The following CHDH variants were observed in gnomAD, a reference collection of about 807,000 sequenced individuals.
CHDH encodes choline dehydrogenase, mitochondrial.
CHDH carries 43 observed loss-of-function variants against 56.9 expected under a neutral mutation model. The observed-to-expected ratio is 0.76, with a 90% CI of 0.59 to 0.97. The LOEUF is 0.97. Among genes scored for constraint, CHDH ranks in the 50% least tolerant of loss-of-function variants. CHDH has a pLI of 0.00. For synonymous variants in CHDH, 364 were observed against 348.5 expected, an observed-to-expected ratio of 1.04 and a Z score of -0.50; for missense variants, 816 against 821.1, an observed-to-expected ratio of 0.99 and a Z score of 0.08.
chr3:53,830,674 T>C (rs1698305132), intron 2 of CHDH, among the ~76,000 whole-genome samples: 1 of 152,116 alleles, frequency 6.6e-6, no homozygotes, highest in Non-Finnish European at 1.5e-5. Flanking sequence ...ATACAAAACA[T>C]TCACTACAAC....
intron 2 of CHDH, among the ~76,000 whole-genome samples, chr3:53,838,007 AGAT>A: frequency 6.7e-6 from 1 of 148,398 alleles, no homozygotes; most frequent in Non-Finnish European, 1.5e-5. Context: ...CCATGAGCCA[AGAT>A]CGTATCACTG....
intron 2 of CHDH, among the ~76,000 whole-genome samples, chr3:53,831,337 C>T (rs572000527): frequency 9.2e-5 from 14 of 152,238 alleles, no homozygotes; most frequent in Non-Finnish European, 1.8e-4. Context: ...GGGAAACTTG[C>T]CGCCCCAAAG....
Position 53,823,333 on chromosome 3 carries a change from C to T in CHDH, c.676G>A (p.Gly226Ser), listed in dbSNP as rs756969396. Residue 226 changes from glycine to serine, a missense_variant, in exon 3 of 9, where the codon GGC (glycine) becomes AGC (serine). Physicochemically the swap from Gly to Ser is moderately conservative, Grantham distance 56. Transcript: ENST00000315251. ...TCATGGATGGTCATGTCCATCCAGC[C>T]GAAGCCCTCCTGCTGGAAGCCATTC... ...DMNGFQQEGF[G>S]WMDMTIHEGK... is the part of the protein sequence containing the mutation. 2.5e-6 allele frequency: 4 copies of T among 1,586,888 alleles called. No individual in the cohort carries two copies. Among genetic ancestry groups the T allele is most frequent in the East Asian group, 2.3e-5 (1 of 44,044 alleles).
rs1458760899 is a variant in CHDH at position 53,816,143 on chromosome 3, C to G, written c.*1634G>C. 2.8e-4 allele frequency: 31 copies of G among 110,922 alleles called. 4 individuals are homozygous for G. The highest frequency in any genetic ancestry group is 1.0e-3 in the Admixed American group (12 of 11,578). The allele number at this position is 110,922 out of a possible 1,614,324, so 6.9% of individuals were successfully genotyped here. On this transcript the variant is annotated 3_prime_UTR_variant, in exon 9 of 9. Transcript: ENST00000315251. ...TTGTGGCTGTCGGACGCCCCCCCCC[C>G]CCGCCCCAGTCTGTAAGCCGCCCCA... is the stretch of plus-strand genomic sequence containing the variant.
rs138026393 is a variant in CHDH at position 53,826,576 on chromosome 3, C to T, written c.-59-2509G>A. ...ACATCCATTAAATGATAGAAACTCT[C>T]AGTAAACCAAGAGTAGAAGGAAACT... On this transcript the variant is annotated intron_variant, in intron 2 of 8. Coordinates refer to ENST00000315251, the MANE Select transcript of CHDH (RefSeq NM_018397.5). Among the ~76,000 whole-genome samples, 8 of 152,302 alleles carry T rather than the reference C, an allele frequency of 5.3e-5. No individual in the cohort carries two copies. In the East Asian group the frequency reaches 1.5e-3, roughly 29 times the overall value.
chr3:53,817,499 C>T lies in CHDH; in HGVS notation c.*278G>A. Reference sequence around the variant, plus strand: ...GATGCGGCAGGAGTTAACCATCCTCCCCTTCTGTCCCTCCAGGAGGCAGGG... The same window carrying T: ...GATGCGGCAGGAGTTAACCATCCTCTCCTTCTGTCCCTCCAGGAGGCAGGG... On this transcript the variant is annotated 3_prime_UTR_variant, in exon 9 of 9. Coordinates refer to ENST00000315251, the MANE Select transcript of CHDH (RefSeq NM_018397.5). 2.2e-6 allele frequency: 1 copy of T among 452,526 alleles called. No homozygotes were observed. The allele number at this position is 452,526 out of a possible 1,614,324, so 28.0% of individuals were successfully genotyped here. A position where few individuals can be genotyped will look rare whatever the true frequency, so the allele number is the denominator to read the frequency against.
rs895013629 is a variant in CHDH at position 53,823,642 on chromosome 3, G to A, written c.367C>T (p.Pro123Ser). Reference protein sequence around the residue: ...RGLDGRVLYWPRGRVWGGSSS... With the variant: ...RGLDGRVLYWSRGRVWGGSSS... Reference sequence around the variant, plus strand: ...GAGCCACCCCAGACGCGGCCGCGTGGCCAGTACAGCACGCGGCCGTCCAGG... The same window carrying A: ...GAGCCACCCCAGACGCGGCCGCGTGACCAGTACAGCACGCGGCCGTCCAGG... The change falls in exon 3 of 9, where the codon CCA becomes TCA. Residue 123 changes from proline to serine, a missense_variant. Physicochemically the swap from Pro to Ser is moderately conservative, Grantham distance 74. Transcript: ENST00000315251. The A allele has an allele frequency of 6.5e-7, 1 of 1,544,702 alleles. No homozygotes were observed. Among genetic ancestry groups the A allele is most frequent in the Non-Finnish European group, 8.7e-7 (1 of 1,146,302 alleles).
intron 2 of CHDH, among the ~76,000 whole-genome samples, chr3:53,834,474 G>A (rs2106977411): frequency 6.6e-6 from 1 of 152,276 alleles, no homozygotes; most frequent in East Asian, 1.9e-4. Flanking sequence ...GCCAAAGACT[G>A]CTATTGACAA....
chr3:53,835,546 T>C (rs1409846336), intron 2 of CHDH, among the ~76,000 whole-genome samples: 2 of 152,232 alleles, frequency 1.3e-5, no homozygotes, highest in Non-Finnish European at 2.9e-5. Flanking sequence ...AAAGGAGGAT[T>C]CAGGGCAGGT....
rs966237981 is a variant in CHDH, at chr3:53,814,210, A to G, written c.*3567T>C. 1 of 152,212 alleles carries G rather than the reference A, an allele frequency of 6.6e-6. No individual in the cohort carries two copies. The highest frequency in any genetic ancestry group is 2.4e-5 in the African/African-American group (1 of 41,452). 9.4% of individuals were successfully genotyped at this position (152,212 alleles called of 1,614,324 possible). A position where few individuals can be genotyped will look rare whatever the true frequency, so the allele number is the denominator to read the frequency against. ...AGTTTCACCTTGTGTACTTCTCAGC[A>G]TCGTAAGTGTCTTTGCCAATTGCAT... On this transcript the variant is annotated 3_prime_UTR_variant, in exon 9 of 9. Coordinates refer to ENST00000315251, the MANE Select transcript of CHDH (RefSeq NM_018397.5).
At chr3:53,843,970 A>C (rs539930992) in intron 1 of CHDH, among the ~76,000 whole-genome samples, 160 of 152,322 alleles carry the variant, frequency 1.1e-3, no homozygotes, top group Middle Eastern at 3.4e-3. Context: ...CCTCTCATGC[A>C]GGGCCACTTG....
intron 2 of CHDH, among the ~76,000 whole-genome samples, chr3:53,831,211 G>C (rs1698321586): frequency 6.6e-6 from 1 of 152,252 alleles, no homozygotes; most frequent in African/African-American, 2.4e-5. Context: ...GAAGGACTGT[G>C]TCACATGGTG....
intron 2 of CHDH, among the ~76,000 whole-genome samples, chr3:53,840,059 G>A (rs1438269228): frequency 6.6e-6 from 1 of 152,166 alleles, no homozygotes; most frequent in African/African-American, 2.4e-5. Flanking sequence ...CAGAGTTCAG[G>A]AAGGGAAGGG....
At chr3:53,835,022 G>C (rs1227207819) in intron 2 of CHDH, among the ~76,000 whole-genome samples, 1 of 152,192 alleles carries the variant, frequency 6.6e-6, no homozygotes, top group East Asian at 1.9e-4. Flanking sequence ...GGGACAACCT[G>C]GGAGCATGTC....
In CHDH at chr3:53,817,541, G is replaced by A. The variant is rs1390222906; in HGVS notation, c.*236C>T. ...GAGGCAGGGAGGAACATCTCAGGCT[G>A]AATGCTGGCCTTCCCCAAATGGCCC... On this transcript the variant is annotated 3_prime_UTR_variant, in exon 9 of 9. Transcript: ENST00000315251. 2 of 530,294 alleles carry A rather than the reference G, an allele frequency of 3.8e-6. No homozygotes were observed. The highest frequency in any genetic ancestry group is 3.1e-5 in the East Asian group (1 of 32,670). The allele number at this position is 530,294 out of a possible 1,614,324, so 32.8% of individuals were successfully genotyped here.
At chr3:53,829,052 A>G (rs1698249650) in intron 2 of CHDH, among the ~76,000 whole-genome samples, 1 of 152,240 alleles carries the variant, frequency 6.6e-6, no homozygotes, top group African/African-American at 2.4e-5. Context: ...TGACAATGGA[A>G]TATCATTTAG....
At chr3:53,820,967 G>C (rs1451706791) in intron 5 of CHDH, among the ~76,000 whole-genome samples, 1 of 152,252 alleles carries the variant, frequency 6.6e-6, no homozygotes, top group Non-Finnish European at 1.5e-5. Flanking sequence ...CAGAGGGGCA[G>C]ACAGCAGCCC....
At chr3:53,821,824 C>T in intron 4 of CHDH, 48 bp from the exon 5 acceptor site, 1 of 1,605,824 alleles carries the variant, frequency 6.2e-7, no homozygotes, top group Non-Finnish European at 8.5e-7. Context: ...AGCTGTTCTC[C>T]TGACTCACAG....
At chr3:53,836,176 G>C (rs1365659646) in intron 2 of CHDH, among the ~76,000 whole-genome samples, 1 of 152,136 alleles carries the variant, frequency 6.6e-6, no homozygotes, top group Non-Finnish European at 1.5e-5. Flanking sequence ...GACCTGGCTG[G>C]GCCCAGAGGC....
Sources: gnomAD v4.1 joint callset for allele counts (sites outside exome capture counted in the v4.1 genomes callset) on GRCh38, gnomAD v4.1.1 for gene constraint, MANE v1.5 for transcripts, NCBI Gene and HGNC (gene_info 2026-07-23, HGNC 2026-07-21) for gene names.